NACC2: variants seen among roughly 807,000 people sequenced by gnomAD.
NACC2 encodes NACC family member 2.
NACC2 carries 8 observed loss-of-function variants against 25.1 expected under a neutral mutation model. The observed-to-expected ratio is 0.32, with a 90% confidence interval of 0.19 to 0.57. The LOEUF is 0.57. Among genes scored for constraint, NACC2 ranks in the 20% least tolerant of loss-of-function variants. The pLI is 0.89. For synonymous variants in NACC2, 435 were observed against 294.7 expected, an observed-to-expected ratio of 1.48 and a Z score of -4.88; for missense variants, 644 against 650.2, an observed-to-expected ratio of 0.99 and a Z score of 0.10.
At chr9:136,081,372 G>A (rs1247157225) in intron 1 of NACC2, among the ~76,000 whole-genome samples, 1 of 152,152 alleles carries the variant, frequency 6.6e-6, no homozygotes, top group African/African-American at 2.4e-5. Flanking sequence ...GCTCCCCATG[G>A]CCCAGCCCCA....
intron 2 of NACC2, among the ~76,000 whole-genome samples, chr9:136,028,211 CA>C (rs35197851): frequency 0.35 from 39,318 of 111,204 alleles, 5,215 homozygotes; most frequent in East Asian, 0.4. Context: ...ACTCCATCTC[CA>C]AAAAAAAAAA....
chr9:136,044,330 T>C (rs1213496222), intron 2 of NACC2, among the ~76,000 whole-genome samples: 2 of 152,056 alleles, frequency 1.3e-5, no homozygotes, highest in Non-Finnish European at 2.9e-5. Context: ...ACCTGGACAA[T>C]ATAGCGAGAC....
At chr9:136,082,071 A>G (rs1399380065) in intron 1 of NACC2, among the ~76,000 whole-genome samples, 2 of 152,160 alleles carry the variant, frequency 1.3e-5, no homozygotes, top group Non-Finnish European at 2.9e-5. Flanking sequence ...TGGGGGCACC[A>G]GCCATTCTCC....
intron 1 of NACC2, among the ~76,000 whole-genome samples, chr9:136,085,171 C>T (rs1830366212): frequency 1.5e-5 from 1 of 67,974 alleles, no homozygotes; most frequent in Non-Finnish European, 2.8e-5. Flanking sequence ...TTTGGCGAGA[C>T]TGAGTTTCGC....
chr9:136,073,535 A>T (rs895929702), intron 1 of NACC2, among the ~76,000 whole-genome samples: 17 of 152,150 alleles, frequency 1.1e-4, no homozygotes, highest in African/African-American at 4.1e-4. Flanking sequence ...AGTCCTGCCC[A>T]TCAGGGGAGA....
chr9:136,025,866 G>T (rs1205441773), intron 2 of NACC2, among the ~76,000 whole-genome samples: 1 of 152,124 alleles, frequency 6.6e-6, no homozygotes, highest in African/African-American at 2.4e-5. Context: ...AGTGAGCTGA[G>T]ATTGTGCCAC....
chr9:136,056,376 G>A (rs531985783), intron 1 of NACC2, among the ~76,000 whole-genome samples: 4 of 152,280 alleles, frequency 2.6e-5, no homozygotes, highest in East Asian at 3.9e-4. Flanking sequence ...CCAGGATGGC[G>A]TGTGCCGTGT....
intron 2 of NACC2, among the ~76,000 whole-genome samples, chr9:136,026,871 C>T (rs1564222737): frequency 2.0e-5 from 3 of 152,170 alleles, no homozygotes; most frequent in East Asian, 1.9e-4. Context: ...ATGGACAAGA[C>T]GGTAGATTAA....
chr9:136,081,312 G>A (rs540174052), intron 1 of NACC2, among the ~76,000 whole-genome samples: 6 of 152,216 alleles, frequency 3.9e-5, no homozygotes, highest in Admixed American at 1.3e-4. Context: ...TAACCGGAAC[G>A]ACCTGCACAC....
intron 2 of NACC2, among the ~76,000 whole-genome samples, chr9:136,025,640 G>A (rs371098224): frequency 9.2e-5 from 14 of 151,398 alleles, no homozygotes; most frequent in African/African-American, 2.9e-4. Flanking sequence ...GCAGCCGGGC[G>A]CAGTGGCTCA....
intron 2 of NACC2, among the ~76,000 whole-genome samples, chr9:136,047,573 C>T (rs1291022618): frequency 1.3e-5 from 2 of 152,222 alleles, no homozygotes; most frequent in African/African-American, 2.4e-5. Context: ...GCGGCCTGGA[C>T]AAAGCCCTGC....
intron 2 of NACC2, among the ~76,000 whole-genome samples, chr9:136,027,903 GAA>G (rs1175314385): frequency 6.6e-6 from 1 of 152,034 alleles, no homozygotes; most frequent in Non-Finnish European, 1.5e-5. Context: ...TTGGTTCTTT[GAA>G]AAGACAAATA....
chr9:136,066,790 T>G (rs1288953904), intron 1 of NACC2, among the ~76,000 whole-genome samples: 2 of 152,058 alleles, frequency 1.3e-5, no homozygotes, highest in Admixed American at 1.3e-4. Context: ...ACAATGTCAT[T>G]CAGCAATGAT....
rs951189177 is a variant in NACC2, at chr9:136,084,722, C to T, written c.-60+10467G>A. Among the ~76,000 whole-genome samples the T allele has an allele frequency of 3.9e-5, 6 of 152,334 alleles. No homozygotes were observed. The East Asian group carries it at 9.7e-4, about 25-fold the overall frequency. ...GGGTGACAGTCAAAGGAAATGGCGG[C>T]GGGCGCACACACACACATACATCAC... On this transcript the variant is annotated intron_variant, in intron 1 of 5. Transcript: ENST00000277554. This position sits in a 1 kb window ranked among gnomAD's most constrained non-coding sequence, Gnocchi z 5.1.
chr9:136,070,439 G>A (rs1034199634), intron 1 of NACC2, among the ~76,000 whole-genome samples: 7 of 151,768 alleles, frequency 4.6e-5, no homozygotes, highest in Non-Finnish European at 8.8e-5. Context: ...CCCGGGAAGC[G>A]GAGGTTGCAG....
rs556171166 is a variant in NACC2 at position 136,056,025 on chromosome 9, T to A, written c.-59-5445A>T. 2.0e-5 allele frequency among the ~76,000 whole-genome samples: 3 copies of A among 152,278 alleles called. No individual in the cohort carries two copies. In the Middle Eastern group the frequency reaches 0.01, roughly 518 times the overall value. ...CCCACCTCCGCGCAACGCCTTCCCT[T>A]TCCCATACGGTGCAGGCTCCAGGAG... On this transcript the variant is annotated intron_variant, in intron 1 of 5. Transcript: ENST00000277554.
rs974738725 is a variant in NACC2 at position 136,033,538 on chromosome 9, T to G, written c.886+16098A>C. Among the ~76,000 whole-genome samples, 5 of 150,438 alleles carry G rather than the reference T, an allele frequency of 3.3e-5. No individual in the cohort carries two copies. The Admixed American group carries it at 3.3e-4, about 10-fold the overall frequency. On this transcript the variant is annotated intron_variant, in intron 2 of 5. Transcript: ENST00000277554. Reference sequence around the variant, plus strand: ...GGTGGCGGGTGCCTGTAATCCCAGCTACTCGGGAGGCTGAGGCAGGAGAAT... The same window carrying G: ...GGTGGCGGGTGCCTGTAATCCCAGCGACTCGGGAGGCTGAGGCAGGAGAAT...
chr9:136,088,889 G>C (rs1191396924), intron 1 of NACC2, among the ~76,000 whole-genome samples: 1 of 152,236 alleles, frequency 6.6e-6, no homozygotes, highest in African/African-American at 2.4e-5. Context: ...CCTGGGGGAA[G>C]GTTTCCCGGA....
At chr9:136,025,924 A>C (rs1245401254) in intron 2 of NACC2, among the ~76,000 whole-genome samples, 1 of 152,166 alleles carries the variant, frequency 6.6e-6, no homozygotes, top group Non-Finnish European at 1.5e-5. Flanking sequence ...AAAACAAACA[A>C]AAAAAATCCA....
Sources: gnomAD v4.1 joint callset for allele counts (sites outside exome capture counted in the v4.1 genomes callset) on GRCh38, gnomAD v4.1.1 for gene constraint, Gnocchi (gnomAD v3.1) non-coding constraint, MANE v1.5 for transcripts, NCBI Gene and HGNC (gene_info 2026-07-23, HGNC 2026-07-21) for gene names.